The following MSANTD3 variants were observed in gnomAD, a reference collection of about 807,000 sequenced individuals.
MSANTD3 encodes myb/SANT-like DNA-binding domain-containing protein 3.
In MSANTD3, 11 loss-of-function variants were observed where a neutral mutation model predicts 27.7. The ratio of observed to expected loss-of-function variants is 0.40; its 90% CI spans 0.25 to 0.66. The LOEUF (loss-of-function observed/expected upper bound fraction) is 0.66, where lower values mean the gene tolerates loss of function less well. Among genes scored for constraint, MSANTD3 ranks in the 30% least tolerant of loss-of-function variants. The pLI, the probability that MSANTD3 is intolerant of heterozygous loss-of-function variation, is 0.41. For missense variants in MSANTD3, 250 were observed against 336.5 expected (o/e 0.74, Z 2.01); for synonymous variants, 131 against 127.2 (o/e 1.03, Z -0.20).
rs148909167 is a variant in MSANTD3 at position 100,450,661 on chromosome 9, G to C, written c.523G>C (p.Val175Leu). ...TSQPEPSCSAVRITANKNYRS... is the reference protein window; with the variant it reads ...TSQPEPSCSALRITANKNYRS... ...TCAACCTGAACCCTCGTGTTCAGCT[G>C]TCAGAATAACAGCCAATAAAAACTA... Residue 175 changes from valine to leucine, a missense_variant, in exon 3 of 3, where the codon GTC becomes CTC. Val to Leu is a conservative substitution (Grantham distance 32). Coordinates refer to ENST00000395067, the MANE Select transcript of MSANTD3 (RefSeq NM_080655.3). 10 of 1,613,980 alleles carry C rather than the reference G, an allele frequency of 6.2e-6. No homozygotes were observed. The highest frequency in any genetic ancestry group is 7.6e-6 in the Non-Finnish European group (9 of 1,180,020).
intron 1 of MSANTD3, among the ~76,000 whole-genome samples, chr9:100,428,711 C>T (rs1836298200): frequency 6.6e-6 from 1 of 152,182 alleles, no homozygotes. Context: ...ATGCCATTAT[C>T]CCTTCTCACA....
At position 100,441,892 on chromosome 9, in the gene MSANTD3, ACTTC is replaced by A. The variant is rs1237702394; in HGVS notation, c.-33-10_-33-7del. 1 of 1,538,876 alleles carries A rather than the reference ACTTC, an allele frequency of 6.5e-7. No homozygotes were observed. Among genetic ancestry groups the A allele is most frequent in the East Asian group, 2.3e-5 (1 of 44,262 alleles). ...CTGGAGTTGGTAATCATTGCTTCAA[ACTTC>A]CTTTTACAGGATAGCTAGCGGCCAG... is the stretch of plus-strand genomic sequence containing the variant. On this transcript the variant is annotated splice_polypyrimidine_tract_variant and intron_variant, in intron 1 of 2. Coordinates refer to ENST00000395067, the MANE Select transcript of MSANTD3 (RefSeq NM_080655.3).
chr9:100,445,434 A>G (rs1394994703), intron 2 of MSANTD3, among the ~76,000 whole-genome samples: 1 of 152,242 alleles, frequency 6.6e-6, no homozygotes, highest in African/African-American at 2.4e-5. Context: ...CACATTTTGA[A>G]GACTTAGTAC....
rs766368538 is a variant in MSANTD3, at chr9:100,442,310, C to A, written c.372C>A (p.Ser124Arg). Residue 124 changes from serine to arginine, a missense_variant, in exon 2 of 3, where the codon AGC becomes AGA. Ser to Arg is a moderately radical substitution (Grantham distance 110). Coordinates refer to ENST00000395067, the MANE Select transcript of MSANTD3 (RefSeq NM_080655.3). ...CGGAGCAGCTCTACTTCCTGCAGAG[C>A]CCCCCGGAGGAGGAGCCCGAATACC... ...MLPEQLYFLQSPPEEEPEYHP... is the reference protein window; with the variant it reads ...MLPEQLYFLQRPPEEEPEYHP... 2 of 1,613,714 alleles carry A rather than the reference C, an allele frequency of 1.2e-6. No homozygotes were observed. Among genetic ancestry groups the A allele is most frequent in the Middle Eastern group, 1.6e-4 (1 of 6,062 alleles).
chr9:100,440,869 C>A (rs770774577), intron 1 of MSANTD3, among the ~76,000 whole-genome samples: 1 of 138,066 alleles, frequency 7.2e-6, no homozygotes, highest in Non-Finnish European at 1.5e-5. Context: ...AAGCAATTTA[C>A]CTACCTCAGC....
chr9:100,444,270 A>G (rs1164474496), intron 2 of MSANTD3: 1 of 152,164 alleles, frequency 6.6e-6, no homozygotes, highest in Middle Eastern at 3.2e-3. Context: ...TGGGAACCTC[A>G]TACATCGATT....
chr9:100,442,205 G>A lies in MSANTD3; in HGVS notation c.267G>A (p.Arg89=). 1.2e-6 allele frequency: 2 copies of A among 1,614,114 alleles called. No individual in the cohort carries two copies. Among genetic ancestry groups the A allele is most frequent in the Non-Finnish European group, 8.5e-7 (1 of 1,180,022 alleles). Residue 89 remains arginine (R), a synonymous_variant, in exon 2 of 3, where the codon AGG becomes AGA. Coordinates refer to ENST00000395067, the MANE Select transcript of MSANTD3 (RefSeq NM_080655.3). ...CCAAAAAAATTATGGCCCATGAAAG[G>A]AGAGAGAAAGTGAAACGGAGCGTCA... ...ARTKKIMAHE[R]REKVKRSVSP... is the part of the protein sequence containing the mutation.
chr9:100,428,657 A>T (rs1836296949), intron 1 of MSANTD3, among the ~76,000 whole-genome samples: 1 of 152,150 alleles, frequency 6.6e-6, no homozygotes, highest in Non-Finnish European at 1.5e-5. Context: ...AGGCCGCCAA[A>T]AATATTCAGA....
chr9:100,441,786 A>C (rs966487239), intron 1 of MSANTD3, 120 bp from the exon 2 acceptor site: 1 of 1,132,998 alleles, frequency 8.8e-7, no homozygotes, highest in Non-Finnish European at 1.2e-6. Flanking sequence ...ATTCAACCTT[A>C]ATGGAAAAGA....
chr9:100,448,554 T>C, intron 2 of MSANTD3: 2 of 985,444 alleles, frequency 2.0e-6, no homozygotes, highest in Non-Finnish European at 2.4e-6. Flanking sequence ...GGGAGGGATG[T>C]GACCCACTGC....
intron 1 of MSANTD3, among the ~76,000 whole-genome samples, chr9:100,433,783 A>G (rs2118187100): frequency 6.6e-6 from 1 of 152,234 alleles, no homozygotes; most frequent in Admixed American, 6.5e-5. Context: ...CGGATTGCCC[A>G]TTACTTTCCA....
chr9:100,429,385 C>A (rs1033005965), intron 1 of MSANTD3: 1 of 152,140 alleles, frequency 6.6e-6, no homozygotes, highest in African/African-American at 2.4e-5. Context: ...GCACTAGTAC[C>A]GTATTCCCTG....
At chr9:100,450,473 C>A (rs1836859695) in intron 2 of MSANTD3, 84 bp from the exon 3 acceptor site, 4 of 1,250,242 alleles carry the variant, frequency 3.2e-6, no homozygotes, top group Non-Finnish European at 4.4e-6. Context: ...TAATGAAGGA[C>A]CCTGTCATTT....
At chr9:100,439,298 C>T (rs1403935065) in intron 1 of MSANTD3, among the ~76,000 whole-genome samples, 1 of 152,120 alleles carries the variant, frequency 6.6e-6, no homozygotes, top group Non-Finnish European at 1.5e-5. Context: ...AGGCATAGTG[C>T]GTGAGTAGCC....
chr9:100,445,269 A>C, intron 2 of MSANTD3: 1 of 1,210,230 alleles, frequency 8.3e-7, no homozygotes, highest in Non-Finnish European at 1.2e-6. Flanking sequence ...TATGGCCCTC[A>C]TTACATCTTG....
At chr9:100,446,227 A>G (rs1836747997) in intron 2 of MSANTD3, among the ~76,000 whole-genome samples, 1 of 152,206 alleles carries the variant, frequency 6.6e-6, no homozygotes, top group Non-Finnish European at 1.5e-5. Context: ...AATAAATGCC[A>G]TTATTATTAC....
intron 2 of MSANTD3, among the ~76,000 whole-genome samples, chr9:100,443,573 ATTAACT>A (rs763205007): frequency 3.9e-5 from 6 of 152,172 alleles, no homozygotes; most frequent in Non-Finnish European, 7.3e-5. Flanking sequence ...TCCAAAAGAA[ATTAACT>A]TTAAGTTTAA....
intron 2 of MSANTD3, chr9:100,445,189 A>C: frequency 6.2e-7 from 1 of 1,609,564 alleles, no homozygotes. Flanking sequence ...AGAAAGAAAA[A>C]GAAGCCTGGA....
At chr9:100,444,234 T>C (rs1160506658) in intron 2 of MSANTD3, 1 of 152,260 alleles carries the variant, frequency 6.6e-6, no homozygotes, top group East Asian at 1.9e-4. Context: ...GTTTATGTTA[T>C]GAACCTCATG....
Sources: gnomAD v4.1 joint callset for allele counts (sites outside exome capture counted in the v4.1 genomes callset) on GRCh38, gnomAD v4.1.1 for gene constraint, MANE v1.5 for transcripts, NCBI Gene and HGNC (gene_info 2026-07-23, HGNC 2026-07-21) for gene names.